The following APAF1 variants were observed in gnomAD, a reference collection of about 807,000 sequenced individuals.
APAF1 encodes the protein apoptotic protease-activating factor 1.
Under a neutral mutation model 152.4 loss-of-function variants are expected in APAF1, and 91 were observed. That is an observed-to-expected ratio of 0.60 (90% CI 0.50 to 0.71). The LOEUF is 0.71. Ranked by LOEUF, APAF1 falls within the 30% of genes least tolerant of loss-of-function variation. The pLI is 0.00. For missense variants in APAF1, 1,283 were observed against 1,472.0 expected, an observed-to-expected ratio of 0.87 and a Z score of 2.10; for synonymous variants, 484 against 494.1, an observed-to-expected ratio of 0.98 and a Z score of 0.27.
Position 98,723,635 on chromosome 12 carries a change from TAA to T in APAF1, c.3205-3_3205-2del. ...CCTCCAAGTGTTTTTTTTTTTTTTT[TAA>T]GGTATGGAATATTATTACTGGAAAT... On this transcript the variant is annotated splice_acceptor_variant and splice_polypyrimidine_tract_variant and intron_variant, in intron 23 of 26. Coordinates refer to ENST00000551964, the MANE Select transcript of APAF1 (RefSeq NM_181861.2). LOFTEE classifies it high-confidence loss of function. 4 of 1,559,500 alleles carry T rather than the reference TAA, an allele frequency of 2.6e-6. No individual in the cohort carries two copies. Among genetic ancestry groups the T allele is most frequent in the Non-Finnish European group, 2.6e-6 (3 of 1,144,048 alleles).
chr12:98,649,582 A>G lies in APAF1; in HGVS notation c.424A>G (p.Lys142Glu). ...LVNAIQQKLS[K>E]LKGEPGWVTI... ...GAATGCAATTCAGCAGAAGCTCTCC[A>G]AATTGAAAGGTGAACCAGGATGGGT... Residue 142 changes from lysine to glutamate, a missense_variant, in exon 4 of 27, where the codon AAA becomes GAA. Transcript: ENST00000551964. 1 of 1,614,250 alleles carries G rather than the reference A, an allele frequency of 6.2e-7. No individual in the cohort carries two copies. The highest frequency in any genetic ancestry group is 2.2e-5 in the East Asian group (1 of 44,882).
intron 16 of APAF1, among the ~76,000 whole-genome samples, chr12:98,696,227 T>C (rs2097709658): frequency 6.6e-6 from 1 of 152,100 alleles, no homozygotes; most frequent in African/African-American, 2.4e-5. Flanking sequence ...AAGCTACACC[T>C]GATGAGGGCC....
intron 17 of APAF1, among the ~76,000 whole-genome samples, chr12:98,700,497 T>A (rs1457669568): frequency 6.6e-6 from 1 of 152,218 alleles, no homozygotes; most frequent in East Asian, 1.9e-4. Flanking sequence ...TTGTACCCCT[T>A]TAGCAGGAAA....
chr12:98,697,738 G>A (rs533308044), intron 16 of APAF1, among the ~76,000 whole-genome samples: 1 of 152,230 alleles, frequency 6.6e-6, no homozygotes, highest in East Asian at 1.9e-4. Flanking sequence ...AGTAAGCAGA[G>A]GTCCTGCAAA....
intron 24 of APAF1, among the ~76,000 whole-genome samples, chr12:98,724,822 C>T (rs985827435): frequency 6.6e-6 from 1 of 151,972 alleles, no homozygotes; most frequent in African/African-American, 2.4e-5. Flanking sequence ...TAGCTCACAG[C>T]GCTTGGAACT....
chr12:98,688,297 A>G lies in APAF1; in HGVS notation c.2304+1424A>G, dbSNP rs142318195. Among the ~76,000 whole-genome samples the G allele has an allele frequency of 4.2e-3, 639 of 152,050 alleles. 2 individuals carry two copies. Among genetic ancestry groups the G allele is most frequent in the African/African-American group, 0.014 (589 of 41,474 alleles). On this transcript the variant is annotated intron_variant, in intron 16 of 26. Coordinates refer to ENST00000551964, the MANE Select transcript of APAF1 (RefSeq NM_181861.2). Reference sequence around the variant, plus strand: ...CTTTCTTTGGTCTTAAGATCAACCCATCTTTGACATTGTTGTCTCTTGGTC... The same window carrying G: ...CTTTCTTTGGTCTTAAGATCAACCCGTCTTTGACATTGTTGTCTCTTGGTC...
rs1462057006 is a variant in APAF1 at position 98,735,411 on chromosome 12, TC to T, written c.*2846del. ...TAAAAAATTTTTGTAAAAATAAAAT[TC>T]ACAAAATTGTTTTGAAAAACATTTT... On this transcript the variant is annotated 3_prime_UTR_variant, in exon 27 of 27. Coordinates refer to ENST00000551964, the MANE Select transcript of APAF1 (RefSeq NM_181861.2). 9.4e-6 allele frequency: 4 copies of T among 427,334 alleles called. No individual in the cohort carries two copies. The highest frequency in any genetic ancestry group is 1.7e-5 in the Non-Finnish European group (4 of 238,900). The allele number at this position is 427,334 out of a possible 1,614,324, so 26.5% of individuals were successfully genotyped here.
At chr12:98,723,370 A>G in intron 23 of APAF1, 58 bp downstream of exon 23, 1 of 1,561,692 alleles carries the variant, frequency 6.4e-7, no homozygotes, top group Non-Finnish European at 8.8e-7. Flanking sequence ...CAATGATTAT[A>G]TTGAGACAGT....
chr12:98,694,839 G>T (rs11830651), intron 16 of APAF1, among the ~76,000 whole-genome samples: 4,230 of 148,350 alleles, frequency 0.029, 200 homozygotes, highest in African/African-American at 0.099. Flanking sequence ...CTTTTAAATT[G>T]TGGTTTTCCT....
intron 8 of APAF1, 90 bp from the exon 9 acceptor site, chr12:98,666,099 GA>G: frequency 8.1e-7 from 1 of 1,229,066 alleles, no homozygotes; most frequent in Non-Finnish European, 1.2e-6. Context: ...AGGGCTTTAA[GA>G]TACCGTTTTT....
rs1406868773 is a variant in APAF1 at position 98,735,267 on chromosome 12, G to GACTT, written c.*2702_*2705dup. The GACTT allele has an allele frequency of 5.0e-6, 2 of 399,448 alleles. No individual in the cohort carries two copies. Among genetic ancestry groups the GACTT allele is most frequent in the Non-Finnish European group, 8.8e-6 (2 of 226,874 alleles). The allele number at this position is 399,448 out of a possible 1,614,324, so 24.7% of individuals were successfully genotyped here. Reference sequence around the variant, plus strand: ...TTTTTTTGTATTATAAATTACATTGGACTTCATATATATAATTTTTTTTTA... The same window carrying GACTT: ...TTTTTTTGTATTATAAATTACATTGGACTTACTTCATATATATAATTTTTTTTTA... On this transcript the variant is annotated 3_prime_UTR_variant, in exon 27 of 27. Coordinates refer to ENST00000551964, the MANE Select transcript of APAF1 (RefSeq NM_181861.2).
intron 4 of APAF1, among the ~76,000 whole-genome samples, chr12:98,653,644 G>A (rs1290024622): frequency 1.0e-5 from 1 of 98,336 alleles, no homozygotes; most frequent in African/African-American, 4.0e-5. Context: ...GTGACAGAGT[G>A]AGATGCCGTC....
Position 98,649,545 on chromosome 12 carries a change from G to A in APAF1, c.387G>A (p.Arg129=). 1 of 1,614,056 alleles carries A rather than the reference G, an allele frequency of 6.2e-7. No homozygotes were observed. The highest frequency in any genetic ancestry group is 2.2e-5 in the East Asian group (1 of 44,892). Residue 129 remains arginine (R), a synonymous_variant, in exon 4 of 27, where the codon AGG becomes AGA. Coordinates refer to ENST00000551964, the MANE Select transcript of APAF1 (RefSeq NM_181861.2). ...AGAGGCCAGTTGTTTTTGTCACAAG[G>A]AAGAAGCTGGTGAATGCAATTCAGC... is the stretch of plus-strand genomic sequence containing the variant. ...VPQRPVVFVT[R]KKLVNAIQQK...
intron 19 of APAF1, among the ~76,000 whole-genome samples, chr12:98,708,368 A>G (rs1004243516): frequency 2.0e-5 from 3 of 152,216 alleles, no homozygotes; most frequent in Admixed American, 6.5e-5. Flanking sequence ...ACTAGAATTC[A>G]TACTGAGGAA....
chr12:98,662,316 C>A (rs150629452), intron 5 of APAF1, 140 bp from the exon 6 acceptor site: 3 of 654,704 alleles, frequency 4.6e-6, no homozygotes, highest in Non-Finnish European at 7.9e-6. Context: ...GAGGAAGAAT[C>A]ATTTTCCTAG....
chr12:98,651,515 A>G (rs890624871), intron 4 of APAF1, among the ~76,000 whole-genome samples: 27 of 152,316 alleles, frequency 1.8e-4, no homozygotes, highest in African/African-American at 6.3e-4. Flanking sequence ...CCACCAACCC[A>G]TTTTACTGCT....
At chr12:98,708,499 T>G in intron 19 of APAF1, 86 bp from the exon 20 acceptor site, 2 of 1,377,962 alleles carry the variant, frequency 1.5e-6, no homozygotes, top group Non-Finnish European at 2.0e-6. Context: ...ATAGGTATTT[T>G]ATGTGAAACA....
intron 4 of APAF1, among the ~76,000 whole-genome samples, chr12:98,655,074 A>G (rs1228802542): frequency 8.8e-6 from 1 of 113,548 alleles, no homozygotes; most frequent in Admixed American, 9.9e-5. Flanking sequence ...AACAAAGCAC[A>G]TCTTGCACCG....
At chr12:98,656,057 A>T (rs1200757465) in intron 4 of APAF1, among the ~76,000 whole-genome samples, 1 of 152,088 alleles carries the variant, frequency 6.6e-6, no homozygotes, top group Admixed American at 6.5e-5. Flanking sequence ...TGCTGGGATT[A>T]CAGGCATGAG....
Sources: gnomAD v4.1 joint callset for allele counts (sites outside exome capture counted in the v4.1 genomes callset) on GRCh38, gnomAD v4.1.1 for gene constraint, MANE v1.5 for transcripts, NCBI Gene and HGNC (gene_info 2026-07-23, HGNC 2026-07-21) for gene names.